Variants in MACROD2 observed in about 807,000 individuals in gnomAD.
MACROD2 encodes mono-ADP ribosylhydrolase 2.
A neutral mutation model predicts 70.4 loss-of-function variants in MACROD2; 36 were observed. The observed-to-expected ratio is 0.51, with a 90% CI of 0.39 to 0.68. The LOEUF (loss-of-function observed/expected upper bound fraction) is 0.68, where lower values mean the gene tolerates loss of function less well. Ranked by LOEUF, MACROD2 falls within the 30% of genes least tolerant of loss-of-function variation. The pLI is 0.00. For synonymous variants in MACROD2, 172 were observed against 178.8 expected, an observed-to-expected ratio of 0.96 and a Z score of 0.30; for missense variants, 496 against 538.4, an observed-to-expected ratio of 0.92 and a Z score of 0.78.
intron 8 of MACROD2, among the ~76,000 whole-genome samples, chr20:15,816,572 TAGACCTTATAGCTTATCAAA>T (rs2063878035): frequency 6.6e-6 from 1 of 152,226 alleles, no homozygotes; most frequent in Admixed American, 6.5e-5. Flanking sequence ...TAATCATTCA[TAGACCTTATAGCTTATCAAA>T]AGACCTTGAT....
chr20:15,738,772 A>G (rs1433293550), intron 8 of MACROD2, among the ~76,000 whole-genome samples: 5 of 152,146 alleles, frequency 3.3e-5, no homozygotes, highest in African/African-American at 1.2e-4. Flanking sequence ...GGTTTGTCAC[A>G]GGAAGTGGAT....
chr20:14,875,283 T>C (rs952592774), intron 5 of MACROD2, among the ~76,000 whole-genome samples: 5 of 151,808 alleles, frequency 3.3e-5, no homozygotes, highest in African/African-American at 7.3e-5. Flanking sequence ...TGGGAGGCTG[T>C]GGCAGGAGAA....
Position 14,679,634 on chromosome 20 carries a change from A to G in MACROD2, c.302-5209A>G, listed in dbSNP as rs189888517. On this transcript the variant is annotated intron_variant, in intron 4 of 17. Transcript: ENST00000684519. ...AGATTAGAGAATTTTAAACTCTTAT[A>G]TTGAGTTTGTACATATAGGGGTATT... 1.0e-3 allele frequency among the ~76,000 whole-genome samples: 154 copies of G among 152,338 alleles called. 4 individuals carry two copies. The highest frequency in any genetic ancestry group is 1.6e-4 in the Non-Finnish European group (11 of 68,020).
chr20:14,989,598 T>C (rs914594259), intron 5 of MACROD2, among the ~76,000 whole-genome samples: 10 of 152,168 alleles, frequency 6.6e-5, no homozygotes, highest in African/African-American at 2.4e-4. Flanking sequence ...TGAAGATTCC[T>C]GGAACAAGGT....
intron 3 of MACROD2, among the ~76,000 whole-genome samples, chr20:14,184,949 A>G (rs1375023419): frequency 1.3e-5 from 2 of 152,066 alleles, no homozygotes; most frequent in Non-Finnish European, 2.9e-5. Flanking sequence ...TTTTCCTAGA[A>G]TATATCTAGT....
intron 8 of MACROD2, among the ~76,000 whole-genome samples, chr20:15,549,860 T>C (rs1273844350): frequency 6.6e-6 from 1 of 152,164 alleles, no homozygotes; most frequent in African/African-American, 2.4e-5. Flanking sequence ...TATCAACCTT[T>C]TTTTTTTCAG....
At chr20:15,944,483 A>G (rs1251690510) in intron 12 of MACROD2, among the ~76,000 whole-genome samples, 1 of 152,154 alleles carries the variant, frequency 6.6e-6, no homozygotes, top group Non-Finnish European at 1.5e-5. Context: ...AGTACATTGT[A>G]AAATTCTTCC....
chr20:15,471,066 C>A (rs1373795265), intron 7 of MACROD2, among the ~76,000 whole-genome samples: 1 of 152,166 alleles, frequency 6.6e-6, no homozygotes, highest in Admixed American at 6.5e-5. Context: ...GTGCCCCTTT[C>A]TCCTCTTTGT....
intron 8 of MACROD2, among the ~76,000 whole-genome samples, chr20:15,545,555 C>G (rs1389143285): frequency 6.6e-6 from 1 of 152,114 alleles, no homozygotes; most frequent in Non-Finnish European, 1.5e-5. Flanking sequence ...ATAGGGTCAC[C>G]TTTAAAATTC....
intron 4 of MACROD2, among the ~76,000 whole-genome samples, chr20:14,558,548 A>G (rs935017704): frequency 1.3e-5 from 2 of 151,786 alleles, no homozygotes; most frequent in African/African-American, 4.8e-5. Context: ...TTATATTCTT[A>G]CCGATAAACT....
At chr20:14,423,382 G>A (rs1456747198) in intron 3 of MACROD2, among the ~76,000 whole-genome samples, 4 of 151,658 alleles carry the variant, frequency 2.6e-5, no homozygotes, top group Non-Finnish European at 5.9e-5. Context: ...TCTGGGGGAT[G>A]GGGGCAGGCG....
At chr20:15,671,646 C>T (rs181285176) in intron 8 of MACROD2, among the ~76,000 whole-genome samples, 1 of 152,288 alleles carries the variant, frequency 6.6e-6, no homozygotes, top group East Asian at 1.9e-4. Flanking sequence ...ATCACTTGTC[C>T]ACCAAGTGAC....
At chr20:14,029,267 C>T (rs1273810969) in intron 2 of MACROD2, among the ~76,000 whole-genome samples, 1 of 152,160 alleles carries the variant, frequency 6.6e-6, no homozygotes, top group African/African-American at 2.4e-5. Context: ...TGTAAGCCAT[C>T]TGCCAATTTC....
intron 3 of MACROD2, among the ~76,000 whole-genome samples, chr20:14,112,566 G>T (rs997359361): frequency 7.2e-5 from 11 of 151,854 alleles, no homozygotes; most frequent in African/African-American, 2.2e-4. Flanking sequence ...TTAGTTGAAA[G>T]AAATGTATGC....
At chr20:15,719,386 CAG>C (rs1384843399) in intron 8 of MACROD2, among the ~76,000 whole-genome samples, 1 of 152,130 alleles carries the variant, frequency 6.6e-6, no homozygotes, top group Non-Finnish European at 1.5e-5. Context: ...GAGTGAACTC[CAG>C]AGTTTTCTTT....
chr20:15,931,640 G>A (rs1380942545), intron 10 of MACROD2, among the ~76,000 whole-genome samples: 1 of 150,944 alleles, frequency 6.6e-6, no homozygotes, highest in Non-Finnish European at 1.5e-5. Context: ...AAGGCTCTGT[G>A]TCTATTAAAA....
At chr20:14,355,016 C>G (rs1428635569) in intron 3 of MACROD2, among the ~76,000 whole-genome samples, 3 of 152,156 alleles carry the variant, frequency 2.0e-5, no homozygotes, top group African/African-American at 7.2e-5. Context: ...GTACCACATT[C>G]TCTTTATCCA....
intron 4 of MACROD2, among the ~76,000 whole-genome samples, chr20:14,642,525 T>G (rs1985152172): frequency 6.6e-6 from 1 of 152,130 alleles, no homozygotes; most frequent in African/African-American, 2.4e-5. Context: ...TTCTAACTTT[T>G]CATGTAAAGT....
At chr20:14,219,865 C>T (rs1041774496) in intron 3 of MACROD2, among the ~76,000 whole-genome samples, 4 of 152,112 alleles carry the variant, frequency 2.6e-5, no homozygotes, top group Non-Finnish European at 5.9e-5. Flanking sequence ...GCACAGAGTC[C>T]TGTGATACCA....
Sources: allele counts gnomAD v4.1 joint callset (sites outside exome capture counted in the v4.1 genomes callset), GRCh38; gene constraint gnomAD v4.1.1; transcripts MANE v1.5; gene names NCBI Gene and HGNC (gene_info 2026-07-23, HGNC 2026-07-21).